Variants in HDAC9 observed in about 807,000 individuals in gnomAD.
HDAC9 encodes MEF-2 interacting transcription repressor (MITR) protein.
HDAC9 carries 41 observed loss-of-function variants against 139.4 expected under a neutral mutation model. The ratio of observed to expected loss-of-function variants is 0.29; its 90% CI spans 0.23 to 0.38. HDAC9 has a LOEUF of 0.38. HDAC9 is among the 10% of genes least tolerant of loss of function. The pLI is 1.00. For missense variants in HDAC9, 1,147 were observed against 1,297.0 expected, an observed-to-expected ratio of 0.88 and a Z score of 1.78; for synonymous variants, 517 against 476.2, an observed-to-expected ratio of 1.09 and a Z score of -1.12.
chr7:18,875,738 G>A (rs1042974333), intron 22 of HDAC9, among the ~76,000 whole-genome samples: 8 of 152,166 alleles, frequency 5.3e-5, no homozygotes, highest in Admixed American at 2.6e-4. Flanking sequence ...TGTCTGTATG[G>A]CCTTTTTAAA....
chr7:18,314,815 A>G (rs940141351), intron 1 of HDAC9, among the ~76,000 whole-genome samples: 1 of 152,232 alleles, frequency 6.6e-6, no homozygotes, highest in Non-Finnish European at 1.5e-5. Context: ...TTGTATTTCT[A>G]ACTTTGTGGC....
chr7:18,336,684 T>C (rs1781610150), intron 1 of HDAC9, among the ~76,000 whole-genome samples: 1 of 151,642 alleles, frequency 6.6e-6, no homozygotes, highest in Non-Finnish European at 1.5e-5. Flanking sequence ...TTCATTATGC[T>C]AATTTCATGT....
At chr7:18,280,201 G>A (rs1410873939) in intron 2 of HDAC9, among the ~76,000 whole-genome samples, 3 of 152,096 alleles carry the variant, frequency 2.0e-5, no homozygotes, top group Admixed American at 1.3e-4. Context: ...CATGTAATCC[G>A]AGCAGTTTGG....
chr7:18,823,177 T>C (rs1309856262), intron 17 of HDAC9, among the ~76,000 whole-genome samples: 1 of 151,930 alleles, frequency 6.6e-6, no homozygotes, highest in African/African-American at 2.4e-5. Flanking sequence ...GATGGTGGGG[T>C]AGGTGGGTAG....
At chr7:18,321,772 G>A (rs910812392) in intron 1 of HDAC9, among the ~76,000 whole-genome samples, 5 of 152,066 alleles carry the variant, frequency 3.3e-5, no homozygotes, top group South Asian at 2.1e-4. Context: ...CAGATGAGAC[G>A]CGCCCTGGTG....
chr7:18,600,440 G>A (rs1453842284), intron 6 of HDAC9, among the ~76,000 whole-genome samples: 2 of 151,950 alleles, frequency 1.3e-5, no homozygotes, highest in Non-Finnish European at 2.9e-5. Flanking sequence ...TCTATAATTC[G>A]TTTTGAGAAA....
intron 11 of HDAC9, among the ~76,000 whole-genome samples, chr7:18,657,911 C>T (rs1584690332): frequency 1.3e-5 from 2 of 152,200 alleles, no homozygotes; most frequent in East Asian, 1.9e-4. Context: ...TCATCATCTC[C>T]TCCCTTCCCT....
intron 1 of HDAC9, among the ~76,000 whole-genome samples, chr7:18,468,570 T>C (rs1586119522): frequency 6.6e-6 from 1 of 152,090 alleles, no homozygotes; most frequent in African/African-American, 2.4e-5. Context: ...TCAGTCTCCC[T>C]AGTGGCTAGA....
chr7:18,459,106 G>C (rs1354704016), intron 1 of HDAC9, among the ~76,000 whole-genome samples: 1 of 152,104 alleles, frequency 6.6e-6, no homozygotes, highest in African/African-American at 2.4e-5. Context: ...GTTACCAGCA[G>C]GTTACCAGCT....
intron 12 of HDAC9, among the ~76,000 whole-genome samples, chr7:18,701,658 G>A (rs536191307): frequency 5.9e-5 from 9 of 152,220 alleles, no homozygotes; most frequent in African/African-American, 2.2e-4. Context: ...TTCGTCATGG[G>A]AATACAGAAC....
intron 1 of HDAC9, among the ~76,000 whole-genome samples, chr7:18,090,654 G>A (rs953377947): frequency 3.9e-5 from 6 of 152,106 alleles, no homozygotes; most frequent in African/African-American, 1.2e-4. Context: ...GAGTATTGAC[G>A]GGGGACAGTA....
At chr7:18,803,845 C>G (rs1043443111) in intron 17 of HDAC9, among the ~76,000 whole-genome samples, 1 of 152,024 alleles carries the variant, frequency 6.6e-6, no homozygotes, top group Non-Finnish European at 1.5e-5. Context: ...TGTGATATAT[C>G]CCTTGCAATA....
chr7:18,991,220 T>C (rs1785906439), intron 25 of HDAC9, among the ~76,000 whole-genome samples: 1 of 152,006 alleles, frequency 6.6e-6, no homozygotes, highest in Admixed American at 6.6e-5. Context: ...TGGTATAACA[T>C]TGGAGGGGGG....
chr7:18,625,323 ATTTTCTTTAGTC>A (rs1328275199), intron 6 of HDAC9, among the ~76,000 whole-genome samples: 2 of 151,938 alleles, frequency 1.3e-5, no homozygotes, highest in African/African-American at 4.8e-5. Flanking sequence ...GACAGATATT[ATTTTCTTTAGTC>A]ATCCCAGAGC....
chr7:18,504,551 C>T (rs890064633), intron 2 of HDAC9, among the ~76,000 whole-genome samples: 7 of 152,222 alleles, frequency 4.6e-5, no homozygotes, highest in Admixed American at 2.0e-4. Flanking sequence ...GTGATCTGCC[C>T]GCCTTGGCCT....
chr7:18,803,273 C>A (rs559369124), intron 17 of HDAC9, among the ~76,000 whole-genome samples: 2 of 152,066 alleles, frequency 1.3e-5, no homozygotes, highest in African/African-American at 2.4e-5. Context: ...AAGCAATAGT[C>A]ATGTCCTAAC....
At chr7:18,354,061 T>C (rs1294368484) in intron 1 of HDAC9, among the ~76,000 whole-genome samples, 1 of 152,098 alleles carries the variant, frequency 6.6e-6, no homozygotes, top group Middle Eastern at 3.2e-3. Flanking sequence ...GGGTTGTATG[T>C]TTTAAGGTGA....
At chr7:18,483,955 A>G (rs571417418) in intron 1 of HDAC9, among the ~76,000 whole-genome samples, 8 of 143,304 alleles carry the variant, frequency 5.6e-5, no homozygotes, top group Admixed American at 1.4e-4. Flanking sequence ...CTACTATGTA[A>G]TGATCTACAC....
intron 6 of HDAC9, among the ~76,000 whole-genome samples, chr7:18,617,419 A>C (rs1838945977): frequency 6.6e-6 from 1 of 152,134 alleles, no homozygotes; most frequent in African/African-American, 2.4e-5. Context: ...CCATGAACAA[A>C]TCTTTCTGTT....
Sources: allele counts gnomAD v4.1 joint callset (sites outside exome capture counted in the v4.1 genomes callset), GRCh38; gene constraint gnomAD v4.1.1; transcripts MANE v1.5; gene names NCBI Gene and HGNC (gene_info 2026-07-23, HGNC 2026-07-21).